RFC3: variants seen among roughly 807,000 people sequenced by gnomAD.
The protein encoded by RFC3 is A1 38 kDa subunit.
Under a neutral mutation model 45.1 loss-of-function variants are expected in RFC3, and 41 were observed. The ratio of observed to expected loss-of-function variants is 0.91; its 90% confidence interval spans 0.71 to 1.18. RFC3 has a LOEUF of 1.18. Among genes scored for constraint, RFC3 ranks in the 50% most tolerant of loss-of-function variants. The pLI is 0.00. For synonymous variants in RFC3, 149 were observed against 144.0 expected, an observed-to-expected ratio of 1.03 and a Z score of -0.25; for missense variants, 423 against 428.1, an observed-to-expected ratio of 0.99 and a Z score of 0.10.
rs1238379068 is a variant in RFC3 at position 33,831,255 on chromosome 13, GA to G, written c.711del (p.Gln237HisfsTer19). On this transcript the variant is annotated frameshift_variant and splice_region_variant, in exon 7 of 9. Transcript: ENST00000380071. LOFTEE classifies it high-confidence loss of function. ...TCTTGTGTTCTCTTTTTGTCATGTA[GA>G]TATCCTTTTACTGCAGATCAAGAAA... ...LLMCEACRVQ[Q>X]YPFTADQEIP... 1.3e-6 allele frequency: 2 copies of G among 1,563,188 alleles called. No homozygotes were observed. Among genetic ancestry groups the G allele is most frequent in the African/African-American group, 2.7e-5 (2 of 73,932 alleles).
chr13:33,954,447 T>A (rs2083008897), intron 8 of RFC3, among the ~76,000 whole-genome samples: 1 of 152,248 alleles, frequency 6.6e-6, no homozygotes, highest in Non-Finnish European at 1.5e-5. Context: ...AATCCTACTA[T>A]GATTTGAGGT....
chr13:33,897,749 A>G (rs1301088827), intron 8 of RFC3, among the ~76,000 whole-genome samples: 1 of 152,106 alleles, frequency 6.6e-6, no homozygotes, highest in Admixed American at 6.6e-5. Context: ...TGGAAACCAA[A>G]AAAAGGCAGA....
the RFC3 span, among the ~76,000 whole-genome samples, chr13:33,974,731 CACTGT>C: frequency 1.3e-5 from 2 of 152,136 alleles, no homozygotes; most frequent in East Asian, 3.8e-4. Flanking sequence ...AAAGTGTAGA[CACTGT>C]ACTGAAGAAG....
At chr13:33,960,205 T>A (rs2083048153) in intron 8 of RFC3, among the ~76,000 whole-genome samples, 1 of 152,022 alleles carries the variant, frequency 6.6e-6, no homozygotes, top group South Asian at 2.1e-4. Context: ...ACTATATCAG[T>A]AACCAAAAAA....
intron 8 of RFC3, among the ~76,000 whole-genome samples, chr13:33,901,599 GAA>G (rs1215226617): frequency 6.6e-6 from 1 of 151,910 alleles, no homozygotes; most frequent in Admixed American, 6.6e-5. Context: ...TGACCTGATA[GAA>G]AAAATAAGAC....
Position 33,960,997 on chromosome 13 carries a change from G to T in RFC3, c.880-5090G>T, listed in dbSNP as rs184797601. Among the ~76,000 whole-genome samples the T allele has an allele frequency of 1.2e-3, 179 of 152,240 alleles. 1 individual carries two copies. The highest frequency in any genetic ancestry group is 4.1e-3 in the African/African-American group (170 of 41,530). ...CTTAGGGTGGTCCAGTGAAATCCAGGACACCCAATTAAGTTTGAATCTCAG... is the reference window on the plus strand; with the variant it reads ...CTTAGGGTGGTCCAGTGAAATCCAGTACACCCAATTAAGTTTGAATCTCAG... On this transcript the variant is annotated intron_variant, in intron 8 of 8. Transcript: ENST00000434425.
chr13:33,873,549 T>A (rs1036236735), intron 8 of RFC3, among the ~76,000 whole-genome samples: 6 of 152,138 alleles, frequency 3.9e-5, no homozygotes, highest in Admixed American at 3.9e-4. Flanking sequence ...TTTAAAACGT[T>A]TTAGGGTAAC....
intron 8 of RFC3, among the ~76,000 whole-genome samples, chr13:33,895,222 G>A (rs1439015225): frequency 2.0e-5 from 3 of 152,116 alleles, no homozygotes; most frequent in African/African-American, 7.2e-5. Context: ...AACCCACAGA[G>A]TGGGAGAAAA....
At chr13:33,940,326 A>C (rs546401815) in intron 8 of RFC3, among the ~76,000 whole-genome samples, 2 of 152,250 alleles carry the variant, frequency 1.3e-5, no homozygotes, top group East Asian at 3.9e-4. Flanking sequence ...ATTGCAACTT[A>C]TTCTTGATCC....
chr13:33,831,566 C>T (rs2082104646), intron 7 of RFC3, among the ~76,000 whole-genome samples: 1 of 97,066 alleles, frequency 1.0e-5, no homozygotes. Flanking sequence ...GCTGTAATAT[C>T]ATGGCTTACA....
chr13:33,876,596 T>C (rs569214044), intron 8 of RFC3, among the ~76,000 whole-genome samples: 19 of 152,358 alleles, frequency 1.2e-4, no homozygotes, highest in Admixed American at 1.0e-3. Context: ...TAAATTAATA[T>C]AATCACTTAG....
At position 33,962,946 on chromosome 13, in the gene RFC3, A is replaced by G. The variant is rs139032718; in HGVS notation, c.880-3141A>G. On this transcript the variant is annotated intron_variant, in intron 8 of 8. Transcript: ENST00000434425. The stretch of plus-strand genomic sequence containing the variant: ...TAATAGAACATTTTTGTGAATTTAT[A>G]TGAGAGACCCTTTGTCAAATGACTA... 5.3e-3 allele frequency among the ~76,000 whole-genome samples: 808 copies of G among 152,282 alleles called. 4 individuals carry two copies. Among genetic ancestry groups the G allele is most frequent in the Non-Finnish European group, 8.3e-3 (565 of 68,028 alleles).
At chr13:33,946,896 T>C (rs1333677176) in intron 8 of RFC3, among the ~76,000 whole-genome samples, 2 of 152,244 alleles carry the variant, frequency 1.3e-5, no homozygotes, top group African/African-American at 4.8e-5. Flanking sequence ...TATAATAAAA[T>C]CTGTTGGCAG....
intron 1 of RFC3, among the ~76,000 whole-genome samples, chr13:33,819,248 T>C (rs966582506): frequency 3.9e-5 from 6 of 152,172 alleles, no homozygotes; most frequent in Non-Finnish European, 7.4e-5. Flanking sequence ...TCTTTGTCTG[T>C]TGTAGTTGAT....
intron 8 of RFC3, among the ~76,000 whole-genome samples, chr13:33,938,562 T>A (rs769278212): frequency 2.0e-5 from 3 of 152,168 alleles, no homozygotes; most frequent in Non-Finnish European, 2.9e-5. Flanking sequence ...ACAAGTGGAA[T>A]CATACAGTAT....
intron 4 of RFC3, among the ~76,000 whole-genome samples, 161 bp downstream of exon 4, chr13:33,826,047 C>G (rs2082046365): frequency 6.6e-6 from 1 of 151,896 alleles, no homozygotes; most frequent in African/African-American, 2.4e-5. Flanking sequence ...ATTATTTGTG[C>G]CATCCATTTG....
chr13:33,955,351 T>C (rs1019503458), intron 8 of RFC3, among the ~76,000 whole-genome samples: 1 of 152,330 alleles, frequency 6.6e-6, no homozygotes, highest in Admixed American at 6.5e-5. Context: ...GGGTATTTTT[T>C]TTCCTTATGC....
At chr13:33,828,036 C>T (rs1003599898) in intron 4 of RFC3, among the ~76,000 whole-genome samples, 8 of 151,978 alleles carry the variant, frequency 5.3e-5, no homozygotes, top group Admixed American at 3.9e-4. Context: ...GTAGTCTTAG[C>T]TACTTGGGAG....
chr13:33,899,416 G>T (rs1278624509), intron 8 of RFC3, among the ~76,000 whole-genome samples: 1 of 151,452 alleles, frequency 6.6e-6, no homozygotes, highest in Non-Finnish European at 1.5e-5. Context: ...CATATCAACA[G>T]ACAAAGATTT....
Sources: gnomAD v4.1 joint callset for allele counts (sites outside exome capture counted in the v4.1 genomes callset) on GRCh38, gnomAD v4.1.1 for gene constraint, MANE v1.5 for transcripts, NCBI Gene and HGNC (gene_info 2026-07-23, HGNC 2026-07-21) for gene names.